The following FAM135B variants were observed in gnomAD, a reference collection of about 807,000 sequenced individuals.
FAM135B encodes family with sequence similarity 135 member B, also known as protein FAM135B.
In FAM135B, 43 loss-of-function variants were observed where a neutral mutation model predicts 127.7. The ratio of observed to expected loss-of-function variants is 0.34; its 90% CI spans 0.26 to 0.43. The LOEUF is 0.43. Among genes scored for constraint, FAM135B ranks in the 20% least tolerant of loss-of-function variants. The pLI is 1.00. For missense variants in FAM135B, 1,558 were observed against 1,725.6 expected, an observed-to-expected ratio of 0.90 and a Z score of 1.72; for synonymous variants, 670 against 665.1, an observed-to-expected ratio of 1.01 and a Z score of -0.11.
rs773117611 is a variant in FAM135B, at chr8:138,178,707, G to A, written c.874-17C>T. 2 of 1,610,894 alleles carry A rather than the reference G, an allele frequency of 1.2e-6. No homozygotes were observed. The highest frequency in any genetic ancestry group is 4.5e-5 in the East Asian group (2 of 44,746). On this transcript the variant is annotated splice_polypyrimidine_tract_variant and intron_variant, in intron 9 of 19. Transcript: ENST00000395297. ...GTTCAACATCTGGAGAGGCAAAAAA[G>A]GTGGTATTCAAGGCTCCTGACTCCA... is the stretch of plus-strand genomic sequence containing the variant.
chr8:138,215,995 G>A (rs577097213), intron 7 of FAM135B, among the ~76,000 whole-genome samples: 11 of 152,136 alleles, frequency 7.2e-5, no homozygotes, highest in Non-Finnish European at 1.5e-4. Context: ...CAGTGGAAGC[G>A]ATATTCATTT....
chr8:138,142,285 CTTCT>C (rs1563676520), intron 16 of FAM135B, among the ~76,000 whole-genome samples: 4 of 99,960 alleles, frequency 4.0e-5, no homozygotes, highest in Non-Finnish European at 4.0e-5. Context: ...CATTCTGCTT[CTTCT>C]TTTTTTTTTT....
intron 1 of FAM135B, among the ~76,000 whole-genome samples, chr8:138,378,779 A>G (rs953154586): frequency 6.6e-6 from 1 of 151,978 alleles, no homozygotes; most frequent in East Asian, 1.9e-4. Context: ...GAAGCATCCC[A>G]CACAATGCCA....
chr8:138,280,520 A>G (rs1824184565), intron 3 of FAM135B, among the ~76,000 whole-genome samples: 1 of 152,068 alleles, frequency 6.6e-6, no homozygotes, highest in South Asian at 2.1e-4. Flanking sequence ...CCAAGCATTC[A>G]TTCCTCCACC....
chr8:138,325,389 C>T (rs1012697930), intron 2 of FAM135B, among the ~76,000 whole-genome samples: 2 of 152,064 alleles, frequency 1.3e-5, no homozygotes, highest in African/African-American at 4.8e-5. Context: ...TTTTGAAGAG[C>T]CAGTTTTTAC....
At chr8:138,325,589 C>T (rs1314896049) in intron 2 of FAM135B, among the ~76,000 whole-genome samples, 1 of 152,096 alleles carries the variant, frequency 6.6e-6, no homozygotes. Flanking sequence ...TCAAAGAATC[C>T]TCATTGAATA....
At chr8:138,221,800 C>T (rs185271880) in intron 7 of FAM135B, among the ~76,000 whole-genome samples, 51 of 152,282 alleles carry the variant, frequency 3.3e-4, no homozygotes, top group African/African-American at 1.1e-3. Context: ...AGTAACTTAA[C>T]CACATCCAAT....
chr8:138,381,455 C>A (rs1384617244), intron 1 of FAM135B, among the ~76,000 whole-genome samples: 1 of 152,084 alleles, frequency 6.6e-6, no homozygotes, highest in African/African-American at 2.4e-5. Context: ...TTGCCTTGTG[C>A]ATGTCAAAAT....
chr8:138,228,732 A>G (rs1180338953), intron 7 of FAM135B, among the ~76,000 whole-genome samples: 5 of 152,084 alleles, frequency 3.3e-5, no homozygotes, highest in African/African-American at 1.2e-4. Context: ...TCAGGCCAGC[A>G]TGGGACTTAG....
chr8:138,296,374 A>T (rs1425566637), intron 3 of FAM135B, among the ~76,000 whole-genome samples: 1 of 152,250 alleles, frequency 6.6e-6, no homozygotes, highest in African/African-American at 2.4e-5. Context: ...CCAACGAACC[A>T]GCTGAGTCCC....
chr8:138,338,597 AAGTC>A (rs771859581), intron 2 of FAM135B, among the ~76,000 whole-genome samples: 213 of 151,326 alleles, frequency 1.4e-3, no homozygotes, highest in Admixed American at 4.3e-3. Flanking sequence ...GATCATTAAA[AAGTC>A]AGGAAACAAC....
At chr8:138,492,827 C>T (rs1450828940) in intron 1 of FAM135B, among the ~76,000 whole-genome samples, 1 of 152,136 alleles carries the variant, frequency 6.6e-6, no homozygotes, top group African/African-American at 2.4e-5. Flanking sequence ...GTCGGAGGCT[C>T]CTCTTTGTTC....
In FAM135B at chr8:138,425,964, CAT is replaced by C. The variant is rs11271386; in HGVS notation, c.-19-57964_-19-57963del. Among the ~76,000 whole-genome samples the C allele has an allele frequency of 3.5e-3, 385 of 109,928 alleles. 3 individuals carry two copies. Among genetic ancestry groups the C allele is most frequent in the East Asian group, 0.011 (21 of 1,866 alleles). 72.1% of individuals were successfully genotyped at this position (109,928 alleles called of 152,430 possible). A position where few individuals can be genotyped will look rare whatever the true frequency, so the allele number is the denominator to read the frequency against. On this transcript the variant is annotated intron_variant, in intron 1 of 19. Coordinates refer to ENST00000395297, the MANE Select transcript of FAM135B (RefSeq NM_015912.4). Reference sequence around the variant, plus strand: ...AGGAGTTCGAGACCAGCCAGGCCAACATATATATATATATATATATATATATA... The same window carrying C: ...AGGAGTTCGAGACCAGCCAGGCCAACATATATATATATATATATATATATA...
At chr8:138,452,137 T>C (rs1208439068) in intron 1 of FAM135B, among the ~76,000 whole-genome samples, 1 of 145,240 alleles carries the variant, frequency 6.9e-6, no homozygotes, top group Non-Finnish European at 1.5e-5. Flanking sequence ...TTTTTTTTTT[T>C]TTTTTTTTTT....
At chr8:138,415,742 C>T (rs1054852598) in intron 1 of FAM135B, among the ~76,000 whole-genome samples, 1 of 152,134 alleles carries the variant, frequency 6.6e-6, no homozygotes, top group African/African-American at 2.4e-5. Flanking sequence ...GACAATATGG[C>T]CCCAAGGGGA....
intron 3 of FAM135B, among the ~76,000 whole-genome samples, chr8:138,302,702 G>A (rs1825976687): frequency 6.6e-6 from 1 of 152,138 alleles, no homozygotes; most frequent in African/African-American, 2.4e-5. Flanking sequence ...TGAGTCCCTG[G>A]GGCCTCCCCC....
chr8:138,346,521 C>T (rs555667954), intron 2 of FAM135B, among the ~76,000 whole-genome samples: 13 of 152,286 alleles, frequency 8.5e-5, no homozygotes, highest in African/African-American at 1.2e-4. Context: ...TTTGCAGGGA[C>T]GTGGATGGAG....
chr8:138,407,742 TATACGAAAATTA>T (rs1475391729), intron 1 of FAM135B, among the ~76,000 whole-genome samples: 2 of 152,172 alleles, frequency 1.3e-5, no homozygotes, highest in African/African-American at 4.8e-5. Context: ...CCTTACACCT[TATACGAAAATTA>T]ATTCAAGATG....
At chr8:138,147,455 A>T (rs2130675536) in intron 14 of FAM135B, among the ~76,000 whole-genome samples, 1 of 152,340 alleles carries the variant, frequency 6.6e-6, no homozygotes, top group African/African-American at 2.4e-5. Flanking sequence ...TTATAAGAAT[A>T]CGAATCTTGA....
Sources: allele counts gnomAD v4.1 joint callset (sites outside exome capture counted in the v4.1 genomes callset), GRCh38; gene constraint gnomAD v4.1.1; transcripts MANE v1.5; gene names NCBI Gene and HGNC (gene_info 2026-07-23, HGNC 2026-07-21).